The following STAC2 variants were observed in gnomAD, a reference collection of about 807,000 sequenced individuals.
STAC2 encodes SH3 and cysteine-rich domain-containing protein 2.
In STAC2, 36 loss-of-function variants were observed where a neutral mutation model predicts 49.0. The ratio of observed to expected loss-of-function variants is 0.74; its 90% CI spans 0.56 to 0.97. The LOEUF is 0.97. STAC2 is among the 50% of genes least tolerant of loss of function. The pLI, the probability that STAC2 is intolerant of heterozygous loss-of-function variation, is 0.00. For synonymous variants in STAC2, 239 were observed against 214.7 expected, an observed-to-expected ratio of 1.11 and a Z score of -0.99; for missense variants, 527 against 543.8, an observed-to-expected ratio of 0.97 and a Z score of 0.31.
chr17:39,213,144 G>A lies in STAC2; in HGVS notation c.994-12C>T. On this transcript the variant is annotated splice_polypyrimidine_tract_variant and intron_variant, in intron 9 of 10. Coordinates refer to ENST00000333461, the MANE Select transcript of STAC2 (RefSeq NM_198993.5). Reference sequence around the variant, plus strand: ...TCGCCGATCTTGCCCTGGGGATGAGGTTGGCAATGAACACCCGCGCCACAC... The same window carrying A: ...TCGCCGATCTTGCCCTGGGGATGAGATTGGCAATGAACACCCGCGCCACAC... 1 of 1,604,692 alleles carries A rather than the reference G, an allele frequency of 6.2e-7. No homozygotes were observed. Among genetic ancestry groups the A allele is most frequent in the Non-Finnish European group, 8.5e-7 (1 of 1,179,926 alleles).
At position 39,225,497 on chromosome 17, in the gene STAC2, G is replaced by C. The variant is rs779031856; in HGVS notation, c.6C>G (p.Thr2=). ...GTTCGTTCTCCTTCTCGCTCATCTC[G>C]GTCATGGTTCGGGGAGAGGGGAGGA... M[T]EMSEKENEPD... Residue 2 remains threonine (T), a synonymous_variant, in exon 1 of 11, where the codon ACC becomes ACG. Transcript: ENST00000333461. This position sits in a 1 kb window ranked among gnomAD's most constrained non-coding sequence, Gnocchi z 8.2. 17 of 1,610,536 alleles carry C rather than the reference G, an allele frequency of 1.1e-5. No homozygotes were observed. The highest frequency in any genetic ancestry group is 1.1e-5 in the Non-Finnish European group (13 of 1,178,948).
intron 4 of STAC2, 80 bp downstream of exon 4, chr17:39,216,730 G>T: frequency 7.3e-7 from 1 of 1,373,658 alleles, no homozygotes; most frequent in Non-Finnish European, 1.0e-6. Context: ...GTTTCACTGT[G>T]TTGGCCAGGC....
At position 39,218,096 on chromosome 17, in the gene STAC2, C is replaced by A. The variant is rs772754213; in HGVS notation, c.168G>T (p.Ser56=). The A allele has an allele frequency of 7.4e-6, 12 of 1,612,924 alleles. No individual in the cohort carries two copies. The highest frequency in any genetic ancestry group is 1.0e-5 in the Non-Finnish European group (12 of 1,180,010). The change falls in exon 2 of 11, where the codon TCG becomes TCT. Residue 56 remains serine (S), a synonymous_variant. Transcript: ENST00000333461. ...SKSLENFFLR[S]GSELKCPTEV... is the part of the protein sequence containing the mutation. ...CGGTGGGGCACTTGAGCTCAGAGCC[C>A]GAGCGAAGGAAGAAGTTCTCCAAGC...
chr17:39,214,417 G>A (rs2046382937), intron 7 of STAC2, 87 bp from the exon 8 acceptor site: 1 of 1,582,754 alleles, frequency 6.3e-7, no homozygotes, highest in Non-Finnish European at 8.6e-7. Flanking sequence ...CTACCCTGGG[G>A]GCTGTGAGGG....
At chr17:39,213,316 A>T (rs545035226) in intron 9 of STAC2, among the ~76,000 whole-genome samples, 184 bp from the exon 10 acceptor site, 1 of 152,316 alleles carries the variant, frequency 6.6e-6, no homozygotes, top group African/African-American at 2.4e-5. Flanking sequence ...GAGCAGAGGG[A>T]CAAAGCTGAG....
chr17:39,213,099 C>G lies in STAC2; in HGVS notation c.1027G>C (p.Ala343Pro), dbSNP rs752164356. The G allele has an allele frequency of 6.2e-6, 10 of 1,611,996 alleles. No homozygotes were observed. The highest frequency in any genetic ancestry group is 1.7e-5 in the Admixed American group (1 of 60,004). ...GGCCTCACCCGTTGCACAAAATTAG[C>G]TGGGAAGAAGCCAACCCGGTCGCCG... ...KIGDRVGFFPANFVQRVRPGE... is the reference protein window; with the variant it reads ...KIGDRVGFFPPNFVQRVRPGE... Residue 343 changes from alanine (A) to proline (P), a missense_variant, in exon 10 of 11, where the codon GCT (alanine) becomes CCT (proline). Transcript: ENST00000333461.
At chr17:39,219,352 C>T (rs1332880154) in intron 1 of STAC2, among the ~76,000 whole-genome samples, 1 of 152,168 alleles carries the variant, frequency 6.6e-6, no homozygotes, top group Non-Finnish European at 1.5e-5. Flanking sequence ...AGTTCATACC[C>T]TCTTTATCCT....
chr17:39,222,076 C>G (rs1034867077), intron 1 of STAC2, among the ~76,000 whole-genome samples: 1 of 152,230 alleles, frequency 6.6e-6, no homozygotes, highest in Non-Finnish European at 1.5e-5. Flanking sequence ...TATCAGCCCT[C>G]CTTCCTCCCT....
At position 39,215,138 on chromosome 17, in the gene STAC2, C is replaced by T. The variant is rs1208330373; in HGVS notation, c.679G>A (p.Glu227Lys). 1 of 1,613,990 alleles carries T rather than the reference C, an allele frequency of 6.2e-7. No homozygotes were observed. Among genetic ancestry groups the T allele is most frequent in the African/African-American group, 1.3e-5 (1 of 74,930 alleles). ...CATACCAGGCTCCTTGTCGGGGACT[C>T]AGAGGTGCTGCTGAAACTGGAGCGG... The part of the protein sequence containing the change: ...MNRSSFSSTS[E>K]SPTRSLSERD... Residue 227 changes from glutamate to lysine, a missense_variant, in exon 5 of 11, where the codon GAG becomes AAG. Coordinates refer to ENST00000333461, the MANE Select transcript of STAC2 (RefSeq NM_198993.5).
chr17:39,220,828 A>G (rs751612211), intron 1 of STAC2, among the ~76,000 whole-genome samples: 5 of 149,578 alleles, frequency 3.3e-5, no homozygotes, highest in South Asian at 2.1e-4. Flanking sequence ...ACGGAGTTTC[A>G]CTCTGTCGCC....
At position 39,215,013 on chromosome 17, in the gene STAC2, T is replaced by C; in HGVS notation, c.710A>G (p.Asp237Gly). Residue 237 changes from aspartate (D) to glycine (G), a missense_variant, in exon 6 of 11, where the codon GAT becomes GGT. Transcript: ENST00000333461. Reference sequence around the variant, plus strand: ...GCCTTCCCCATCCTCGGTCAGCTCATCCCGCTCACTCTAGGGACAGAGAGA... The same window carrying C: ...GCCTTCCCCATCCTCGGTCAGCTCACCCCGCTCACTCTAGGGACAGAGAGA... ...ESPTRSLSER[D>G]ELTEDGEGSI... 1.2e-6 allele frequency: 2 copies of C among 1,614,006 alleles called. No homozygotes were observed. The highest frequency in any genetic ancestry group is 1.7e-6 in the Non-Finnish European group (2 of 1,179,970).
chr17:39,213,088 C>T lies in STAC2; in HGVS notation c.1038G>A (p.Val346=), dbSNP rs754654895. 8 of 1,612,924 alleles carry T rather than the reference C, an allele frequency of 5.0e-6. No homozygotes were observed. Among genetic ancestry groups the T allele is most frequent in the East Asian group, 4.5e-5 (2 of 44,888 alleles). The change falls in exon 10 of 11, where the codon GTG becomes GTA. Residue 346 remains valine (V), a synonymous_variant. Coordinates refer to ENST00000333461, the MANE Select transcript of STAC2 (RefSeq NM_198993.5). ...CATTCTCGCCTGGCCTCACCCGTTG[C>T]ACAAAATTAGCTGGGAAGAAGCCAA... ...DRVGFFPANF[V]QRVRPGENVW...
Position 39,225,624 on chromosome 17 carries a change from C to G in STAC2, c.-122G>C. 1 of 958,742 alleles carries G rather than the reference C, an allele frequency of 1.0e-6. No homozygotes were observed. Among genetic ancestry groups the G allele is most frequent in the Admixed American group, 2.0e-5 (1 of 48,814 alleles). The allele number at this position is 958,742 out of a possible 1,614,324, so 59.4% of individuals were successfully genotyped here. A position where few individuals can be genotyped will look rare whatever the true frequency, so the allele number is the denominator to read the frequency against. On this transcript the variant is annotated 5_prime_UTR_variant, in exon 1 of 11. Coordinates refer to ENST00000333461, the MANE Select transcript of STAC2 (RefSeq NM_198993.5). This position sits in a 1 kb window ranked among gnomAD's most constrained non-coding sequence, Gnocchi z 8.2. ...TTCTCCAGAGGCTGCCCCCAGTTAGCCCCCGGCACGGCAGCCCCCAACCCG... is the reference window on the plus strand; with the variant it reads ...TTCTCCAGAGGCTGCCCCCAGTTAGGCCCCGGCACGGCAGCCCCCAACCCG...
intron 10 of STAC2, among the ~76,000 whole-genome samples, chr17:39,212,684 C>A (rs1279485750): frequency 6.6e-6 from 1 of 152,202 alleles, no homozygotes; most frequent in Non-Finnish European, 1.5e-5. Context: ...GGGAAAAGGA[C>A]TTGCCTCAAA....
Position 39,218,123 on chromosome 17 carries a change from C to T in STAC2, c.141G>A (p.Lys47=). ...SLSLKTILRS[K]SLENFFLRSG... ...AGCGAAGGAAGAAGTTCTCCAAGCTCTTACTTCGGAGGATGGTCTTGAGGG... is the reference window on the plus strand; with the variant it reads ...AGCGAAGGAAGAAGTTCTCCAAGCTTTTACTTCGGAGGATGGTCTTGAGGG... The change falls in exon 2 of 11, where the codon AAG becomes AAA. Residue 47 remains lysine, a synonymous_variant. Coordinates refer to ENST00000333461, the MANE Select transcript of STAC2 (RefSeq NM_198993.5). 1 of 1,613,510 alleles carries T rather than the reference C, an allele frequency of 6.2e-7. No individual in the cohort carries two copies. Among genetic ancestry groups the T allele is most frequent in the South Asian group, 1.1e-5 (1 of 91,076 alleles).
intron 5 of STAC2, 44 bp from the exon 6 acceptor site, chr17:39,215,067 T>G (rs753311055): frequency 6.2e-7 from 1 of 1,613,958 alleles, no homozygotes; most frequent in Non-Finnish European, 8.5e-7. Flanking sequence ...GAGCCCACTG[T>G]CATGCTCAGA....
intron 4 of STAC2, among the ~76,000 whole-genome samples, chr17:39,216,197 G>T (rs1211806064): frequency 6.6e-6 from 1 of 151,152 alleles, no homozygotes; most frequent in Non-Finnish European, 1.5e-5. Context: ...GCCCAGGCTG[G>T]ACTCCAACTC....
At position 39,225,865 on chromosome 17, in the gene STAC2, C is replaced by T. The variant is rs1051130623; in HGVS notation, c.-363G>A. Reference sequence around the variant, plus strand: ...CCGGCTCCGCCGTCCGCTGCGCCCGCCCCCCATCCCCTCCCCTCCCCCGCC... The same window carrying T: ...CCGGCTCCGCCGTCCGCTGCGCCCGTCCCCCATCCCCTCCCCTCCCCCGCC... On this transcript the variant is annotated 5_prime_UTR_variant, in exon 1 of 11. Transcript: ENST00000333461. This position sits in a 1 kb window ranked among gnomAD's most constrained non-coding sequence, Gnocchi z 8.2. 6.0e-5 allele frequency: 15 copies of T among 249,620 alleles called. No individual in the cohort carries two copies. The highest frequency in any genetic ancestry group is 4.9e-4 in the South Asian group (11 of 22,540). 15.5% of individuals were successfully genotyped at this position (249,620 alleles called of 1,614,324 possible). A position where few individuals can be genotyped will look rare whatever the true frequency, so the allele number is the denominator to read the frequency against.
At chr17:39,213,684 T>A in intron 8 of STAC2, 126 bp from the exon 9 acceptor site, 6 of 914,350 alleles carry the variant, frequency 6.6e-6, no homozygotes, top group Non-Finnish European at 6.6e-6. Flanking sequence ...TTTTTTTTTT[T>A]TTTTTTTTTT....
Sources: allele counts gnomAD v4.1 joint callset (sites outside exome capture counted in the v4.1 genomes callset), GRCh38; gene constraint gnomAD v4.1.1; non-coding constraint Gnocchi (gnomAD v3.1); transcripts MANE v1.5; gene names NCBI Gene and HGNC (gene_info 2026-07-23, HGNC 2026-07-21).